The following HPSE2 variants were observed in gnomAD, a reference collection of about 807,000 sequenced individuals.
HPSE2 encodes heparanase 2 (inactive).
A neutral mutation model predicts 60.5 loss-of-function variants in HPSE2; 38 were observed. The observed-to-expected ratio is 0.63, with a 90% confidence interval of 0.48 to 0.82. HPSE2 has a LOEUF of 0.82. HPSE2 is among the 40% of genes least tolerant of loss of function. The pLI is 0.00. For missense variants in HPSE2, 713 were observed against 740.4 expected (o/e 0.96, Z 0.43); for synonymous variants, 295 against 293.2 (o/e 1.01, Z -0.06).
chr10:98,812,357 G>A (rs1001637134), intron 3 of HPSE2, among the ~76,000 whole-genome samples: 4 of 151,984 alleles, frequency 2.6e-5, no homozygotes, highest in African/African-American at 9.7e-5. Flanking sequence ...AGGAATAAAG[G>A]GCTACTCCAG....
chr10:99,168,623 G>A (rs1430641423), intron 2 of HPSE2, among the ~76,000 whole-genome samples: 1 of 152,086 alleles, frequency 6.6e-6, no homozygotes, highest in Non-Finnish European at 1.5e-5. Context: ...TAGCTTGCAG[G>A]TAGACTCACA....
At chr10:99,022,913 A>G (rs1311944641) in intron 3 of HPSE2, among the ~76,000 whole-genome samples, 1 of 152,134 alleles carries the variant, frequency 6.6e-6, no homozygotes, top group African/African-American at 2.4e-5. Context: ...AAGATGTACC[A>G]CATTACCACC....
At chr10:98,705,084 A>T (rs1033885358) in intron 5 of HPSE2, among the ~76,000 whole-genome samples, 1 of 152,166 alleles carries the variant, frequency 6.6e-6, no homozygotes, top group East Asian at 1.9e-4. Context: ...CCCCATAAAA[A>T]CTGGGCAAAG....
chr10:99,055,997 T>C (rs1292973600), intron 3 of HPSE2, among the ~76,000 whole-genome samples: 6 of 151,942 alleles, frequency 3.9e-5, no homozygotes, highest in Non-Finnish European at 8.8e-5. Flanking sequence ...CAGCAAACAA[T>C]AGAACAAATT....
At chr10:99,151,929 G>A (rs943340582) in intron 2 of HPSE2, among the ~76,000 whole-genome samples, 2 of 151,542 alleles carry the variant, frequency 1.3e-5, no homozygotes, top group East Asian at 1.9e-4. Flanking sequence ...AATAAATAGC[G>A]CTAAAAGAAA....
At chr10:98,534,793 A>G (rs562534124) in intron 9 of HPSE2, among the ~76,000 whole-genome samples, 2 of 152,254 alleles carry the variant, frequency 1.3e-5, no homozygotes, top group Non-Finnish European at 2.9e-5. Flanking sequence ...TGGATAAGGT[A>G]CCAAAGAATG....
chr10:99,040,055 A>T (rs977824800), intron 3 of HPSE2, among the ~76,000 whole-genome samples: 11 of 152,216 alleles, frequency 7.2e-5, no homozygotes, highest in Admixed American at 5.2e-4. Flanking sequence ...TAGATTATTG[A>T]TTACATACAC....
At chr10:98,888,842 T>A (rs186760946) in intron 3 of HPSE2, among the ~76,000 whole-genome samples, 1 of 152,318 alleles carries the variant, frequency 6.6e-6, no homozygotes, top group East Asian at 1.9e-4. Flanking sequence ...ATCTTTCAAT[T>A]TGGAATTGCT....
intron 7 of HPSE2, among the ~76,000 whole-genome samples, chr10:98,636,533 C>G (rs1946506707): frequency 6.6e-6 from 1 of 152,196 alleles, no homozygotes; most frequent in Non-Finnish European, 1.5e-5. Context: ...AGCCACTGTG[C>G]CCAGCCAAGT....
intron 3 of HPSE2, among the ~76,000 whole-genome samples, chr10:98,808,196 C>T (rs1285778333): frequency 1.3e-5 from 2 of 152,102 alleles, no homozygotes; most frequent in East Asian, 3.9e-4. Flanking sequence ...CTTCTGAACC[C>T]CAAAAGAAGC....
intron 7 of HPSE2, among the ~76,000 whole-genome samples, chr10:98,624,350 C>A (rs1419388833): frequency 6.6e-6 from 1 of 152,020 alleles, no homozygotes; most frequent in Non-Finnish European, 1.5e-5. Context: ...AAGAAGCCAG[C>A]CTCTTAATGG....
intron 3 of HPSE2, among the ~76,000 whole-genome samples, chr10:99,099,209 C>A (rs569147340): frequency 6.6e-6 from 1 of 152,348 alleles, no homozygotes; most frequent in Middle Eastern, 3.4e-3. Flanking sequence ...CCTCACCCAG[C>A]AAGTGCAAGG....
At chr10:98,511,647 G>C (rs545889568) in intron 9 of HPSE2, among the ~76,000 whole-genome samples, 1 of 151,154 alleles carries the variant, frequency 6.6e-6, no homozygotes, top group Non-Finnish European at 1.5e-5. Context: ...AGGATGGTTG[G>C]AAGGAAGTTT....
At chr10:98,692,490 C>T (rs1215109172) in intron 6 of HPSE2, among the ~76,000 whole-genome samples, 4 of 151,816 alleles carry the variant, frequency 2.6e-5, no homozygotes, top group South Asian at 2.1e-4. Context: ...AACTTAAGGC[C>T]GGGCGCGGTG....
chr10:99,143,995 C>T (rs1174761596), intron 3 of HPSE2, among the ~76,000 whole-genome samples: 3 of 152,136 alleles, frequency 2.0e-5, no homozygotes, highest in South Asian at 2.1e-4. Context: ...TTTAGAAAGT[C>T]GTATTTTTAA....
At chr10:98,964,336 T>G (rs1222475530) in intron 3 of HPSE2, among the ~76,000 whole-genome samples, 1 of 152,176 alleles carries the variant, frequency 6.6e-6, no homozygotes, top group African/African-American at 2.4e-5. Flanking sequence ...AGAAGTTTAT[T>G]AAAAGTGGAA....
chr10:98,482,649 C>T lies in HPSE2; in HGVS notation c.1600G>A (p.Gly534Ser), dbSNP rs1403708138. 9 of 1,613,966 alleles carry T rather than the reference C, an allele frequency of 5.6e-6. No individual in the cohort carries two copies. The highest frequency in any genetic ancestry group is 1.7e-5 in the Admixed American group (1 of 59,992). ...GTTGGCACGTACTTGGACTTTAGGCCCTCCTGCCCATAGGGCTGCAGCAGG... is the reference window on the plus strand; with the variant it reads ...GTTGGCACGTACTTGGACTTTAGGCTCTCCTGCCCATAGGGCTGCAGCAGG... ...QYLLQPYGQEGLKSKSVQLNG... is the reference protein window; with the variant it reads ...QYLLQPYGQESLKSKSVQLNG... The change falls in exon 11 of 12, where the codon GGC becomes AGC. Residue 534 changes from glycine (G) to serine (S), a missense_variant. By Grantham distance (56) the Gly-to-Ser change is moderately conservative. Coordinates refer to ENST00000370552, the MANE Select transcript of HPSE2 (RefSeq NM_021828.5).
intron 3 of HPSE2, among the ~76,000 whole-genome samples, chr10:99,064,925 G>GA (rs1842567106): frequency 6.6e-6 from 1 of 151,912 alleles, no homozygotes; most frequent in South Asian, 2.1e-4. Context: ...AATACAATCA[G>GA]AAAAAATTCC....
the HPSE2 span, among the ~76,000 whole-genome samples, chr10:99,251,271 A>T: frequency 2.6e-5 from 4 of 152,226 alleles, no homozygotes; most frequent in Non-Finnish European, 5.9e-5. Flanking sequence ...GGAATCATAC[A>T]ATCTCTCAAA....
Sources: allele counts gnomAD v4.1 joint callset (sites outside exome capture counted in the v4.1 genomes callset), GRCh38; gene constraint gnomAD v4.1.1; transcripts MANE v1.5; gene names NCBI Gene and HGNC (gene_info 2026-07-23, HGNC 2026-07-21).